The following TEK variants were observed in gnomAD, a reference collection of about 807,000 sequenced individuals.
The protein encoded by TEK is TEK receptor tyrosine kinase, also known as angiopoietin-1 receptor.
TEK carries 43 observed loss-of-function variants against 131.8 expected under a neutral mutation model. That is an observed-to-expected ratio of 0.33 (90% CI 0.26 to 0.42). The LOEUF is 0.42. Ranked by LOEUF, TEK falls within the 10% of genes least tolerant of loss-of-function variation. The pLI is 1.00. For synonymous variants in TEK, 580 were observed against 491.6 expected, an observed-to-expected ratio of 1.18 and a Z score of -2.38; for missense variants, 1,162 against 1,384.4, an observed-to-expected ratio of 0.84 and a Z score of 2.55.
intron 6 of TEK, among the ~76,000 whole-genome samples, chr9:27,179,174 A>G (rs909471747): frequency 6.6e-6 from 1 of 152,060 alleles, no homozygotes; most frequent in African/African-American, 2.4e-5. Flanking sequence ...TAGATGGGCT[A>G]TCTATTGATG....
chr9:27,207,762 G>A (rs1825449601), intron 15 of TEK, among the ~76,000 whole-genome samples: 1 of 151,752 alleles, frequency 6.6e-6, no homozygotes, highest in African/African-American at 2.4e-5. Flanking sequence ...TTTTTTTTTG[G>A]ACCACACTAT....
chr9:27,135,420 G>GA (rs1170887628), intron 1 of TEK, among the ~76,000 whole-genome samples: 3 of 151,802 alleles, frequency 2.0e-5, no homozygotes, highest in East Asian at 1.9e-4. Context: ...TTTTGCAGGG[G>GA]AAAAAAATCC....
chr9:27,111,355 C>G (rs527909023), intron 1 of TEK, among the ~76,000 whole-genome samples: 1 of 152,110 alleles, frequency 6.6e-6, no homozygotes, highest in Non-Finnish European at 1.5e-5. Context: ...CATGACTGCT[C>G]AAGGCTTGAT....
chr9:27,199,226 C>T (rs1373629444), intron 12 of TEK, among the ~76,000 whole-genome samples: 1 of 152,156 alleles, frequency 6.6e-6, no homozygotes, highest in Admixed American at 6.5e-5. Flanking sequence ...GTAATTTTAA[C>T]TTCTGTATAA....
At chr9:27,211,766 G>A (rs950488717) in intron 16 of TEK, among the ~76,000 whole-genome samples, 17 of 151,656 alleles carry the variant, frequency 1.1e-4, no homozygotes, top group African/African-American at 3.9e-4. Context: ...CACTGCACTG[G>A]GCTTCAAGTT....
intron 1 of TEK, among the ~76,000 whole-genome samples, chr9:27,125,204 C>A (rs747367021): frequency 1.3e-5 from 2 of 152,238 alleles, no homozygotes; most frequent in Non-Finnish European, 2.9e-5. Flanking sequence ...AGAAGCTCAG[C>A]CACATTCAGA....
intron 15 of TEK, among the ~76,000 whole-genome samples, chr9:27,207,886 A>G (rs1825454895): frequency 6.6e-6 from 1 of 152,204 alleles, no homozygotes; most frequent in Non-Finnish European, 1.5e-5. Flanking sequence ...ATGTTTCTTT[A>G]AAAACAATAC....
At chr9:27,221,238 A>G (rs1331104551) in intron 21 of TEK, among the ~76,000 whole-genome samples, 1 of 152,228 alleles carries the variant, frequency 6.6e-6, no homozygotes. Flanking sequence ...CTATCTGGGC[A>G]GGGCATCTCT....
chr9:27,213,930 A>G (rs1825723349), intron 18 of TEK, among the ~76,000 whole-genome samples: 1 of 152,194 alleles, frequency 6.6e-6, no homozygotes, highest in African/African-American at 2.4e-5. Flanking sequence ...ATCCCCTTTC[A>G]TGCACAGCTG....
intron 1 of TEK, among the ~76,000 whole-genome samples, chr9:27,151,324 G>A (rs1401099931): frequency 6.6e-6 from 1 of 152,100 alleles, no homozygotes. Context: ...TTAACATAAG[G>A]GTTGACACAG....
chr9:27,216,520 TGGTGTGGACAGAGAGTGAAGGGAGGA>T (rs1378913026), intron 18 of TEK, among the ~76,000 whole-genome samples: 5 of 151,786 alleles, frequency 3.3e-5, no homozygotes, highest in South Asian at 2.1e-4. Context: ...GGAGATGGGG[TGGTGTGGACAGAGAGTGAAGGGAGGA>T]GGTGTGGATG....
At chr9:27,161,934 G>A (rs1468957331) in intron 2 of TEK, among the ~76,000 whole-genome samples, 1 of 152,164 alleles carries the variant, frequency 6.6e-6, no homozygotes, top group Non-Finnish European at 1.5e-5. Context: ...ATTTCTTTGA[G>A]TAATAGGTGA....
At chr9:27,136,977 G>A (rs950536264) in intron 1 of TEK, among the ~76,000 whole-genome samples, 25 of 152,048 alleles carry the variant, frequency 1.6e-4, no homozygotes, top group Non-Finnish European at 3.1e-4. Context: ...GTGCAGTGGC[G>A]CAGTCTCGGC....
intron 9 of TEK, among the ~76,000 whole-genome samples, chr9:27,188,258 A>G (rs1052334182): frequency 2.0e-5 from 3 of 152,206 alleles, no homozygotes; most frequent in Non-Finnish European, 4.4e-5. Flanking sequence ...AATATTTTCT[A>G]TCTTAATCTG....
intron 8 of TEK, among the ~76,000 whole-genome samples, chr9:27,184,841 C>T (rs570140636): frequency 5.3e-4 from 81 of 151,902 alleles, no homozygotes; most frequent in Non-Finnish European, 9.1e-4. Flanking sequence ...AATTTGAGAC[C>T]GGCCTGGGCA....
intron 1 of TEK, among the ~76,000 whole-genome samples, chr9:27,154,603 A>C (rs555621176): frequency 6.6e-6 from 1 of 152,332 alleles, no homozygotes; most frequent in South Asian, 2.1e-4. Context: ...TTAGGCAGAT[A>C]CTAGCAAATA....
At chr9:27,136,459 C>T (rs1554689092) in intron 1 of TEK, among the ~76,000 whole-genome samples, 3 of 152,044 alleles carry the variant, frequency 2.0e-5, no homozygotes, top group Non-Finnish European at 4.4e-5. Context: ...ACTCTTATGC[C>T]TCTCTGTTCA....
rs190049963 is a variant in TEK at position 27,145,321 on chromosome 9, G to A, written c.53-12510G>A. On this transcript the variant is annotated intron_variant, in intron 1 of 22. Transcript: ENST00000380036. Reference sequence around the variant, plus strand: ...AGGAACTCTTCCTTAGCTCTTGATCGGCCTGTTTCCTGCCCATGTGGGTTT... The same window carrying A: ...AGGAACTCTTCCTTAGCTCTTGATCAGCCTGTTTCCTGCCCATGTGGGTTT... Among the ~76,000 whole-genome samples, 10 of 152,280 alleles carry A rather than the reference G, an allele frequency of 6.6e-5. No homozygotes were observed. In the South Asian group the frequency reaches 1.7e-3, roughly 25 times the overall value.
intron 18 of TEK, among the ~76,000 whole-genome samples, chr9:27,215,622 T>G (rs981831875): frequency 6.6e-6 from 1 of 151,024 alleles, no homozygotes; most frequent in African/African-American, 2.4e-5. Context: ...TACTGCAAAC[T>G]ACTATACTAA....
Sources: gnomAD v4.1 joint callset for allele counts (sites outside exome capture counted in the v4.1 genomes callset) on GRCh38, gnomAD v4.1.1 for gene constraint, MANE v1.5 for transcripts, NCBI Gene and HGNC (gene_info 2026-07-23, HGNC 2026-07-21) for gene names.